The following FGD1 variants were observed in gnomAD, a reference collection of about 807,000 sequenced individuals.
The protein encoded by FGD1 is FYVE, RhoGEF and PH domain containing 1.
FGD1 carries 12 observed loss-of-function variants against 65.0 expected under a neutral mutation model. The observed-to-expected ratio is 0.18, with a 90% CI of 0.12 to 0.30. The LOEUF is 0.30. Ranked by LOEUF, FGD1 falls within the 10% of genes least tolerant of loss-of-function variation. The pLI, the probability that FGD1 is intolerant of heterozygous loss-of-function variation, is 1.00. For synonymous variants in FGD1, 333 were observed against 343.9 expected (o/e 0.97, Z 0.35); for missense variants, 542 against 837.6 (o/e 0.65, Z 4.36).
At chrX:54,469,249 C>T (rs764163938) in intron 4 of FGD1, among the ~76,000 whole-genome samples, 5 of 111,861 alleles carry the variant, frequency 4.5e-5, no homozygotes, top group Admixed American at 1.9e-4. Flanking sequence ...GTATTTAGGA[C>T]GCCTCATCCA....
At chrX:54,477,433 AT>A (rs748962868) in intron 1 of FGD1, among the ~76,000 whole-genome samples, 95 of 103,611 alleles carry the variant, frequency 9.2e-4, no homozygotes, top group Non-Finnish European at 1.2e-3. Flanking sequence ...CACTCAGTTA[AT>A]TTTTTTTTTT....
At chrX:54,485,788 T>G (rs1020837373) in intron 1 of FGD1, among the ~76,000 whole-genome samples, 3 of 110,637 alleles carry the variant, frequency 2.7e-5, no homozygotes, top group Non-Finnish European at 5.7e-5. Flanking sequence ...TGCTTTTTTT[T>G]TTTTTGAGAT....
chrX:54,483,787 C>T (rs1004519169), intron 1 of FGD1, among the ~76,000 whole-genome samples: 3 of 111,680 alleles, frequency 2.7e-5, no homozygotes, highest in African/African-American at 9.8e-5. Flanking sequence ...ATCCGCCCAG[C>T]TGCCCAAGCC....
intron 1 of FGD1, among the ~76,000 whole-genome samples, chrX:54,474,349 C>A (rs1436419488): frequency 1.8e-5 from 2 of 112,476 alleles, no homozygotes; most frequent in Admixed American, 9.4e-5. Context: ...CTCCCAGTCC[C>A]GGAGGGAAGA....
chrX:54,463,974 A>T (rs1261226468), intron 8 of FGD1, among the ~76,000 whole-genome samples: 2 of 110,377 alleles, frequency 1.8e-5, no homozygotes, highest in African/African-American at 6.6e-5. Flanking sequence ...TTATTTATTT[A>T]TTCTTGAGAT....
rs377661607 is a variant in FGD1 at position 54,470,131 on chromosome X, C to A, written c.986G>T (p.Arg329Leu). ...ACTGTCAACCTCTTGGGAGCCAGGC[C>A]GGTGGGGGTCGGCCAAGGCAACAGG... ...SVPVALADPH[R>L]PGSQEVDSDL... Residue 329 changes from arginine to leucine, a missense_variant, in exon 4 of 18, where the codon CGG (arginine) becomes CTG (leucine). By Grantham distance (102) the Arg-to-Leu change is moderately radical (BLOSUM62 -2). Coordinates refer to ENST00000375135, the MANE Select transcript of FGD1 (RefSeq NM_004463.3). The A allele has an allele frequency of 2.5e-6, 3 of 1,210,067 alleles. No individual in the cohort carries two copies. In the Admixed American group the frequency reaches 6.5e-5, roughly 26 times the overall value.
chrX:54,450,956 T>G (rs1317491318), intron 12 of FGD1, among the ~76,000 whole-genome samples: 1 of 109,816 alleles, frequency 9.1e-6, no homozygotes, highest in Non-Finnish European at 1.9e-5. Flanking sequence ...GGCTGAGGCA[T>G]GAGAATCGCT....
intron 16 of FGD1, among the ~76,000 whole-genome samples, chrX:54,447,671 G>A (rs969615824): frequency 8.9e-6 from 1 of 112,769 alleles, no homozygotes; most frequent in African/African-American, 3.2e-5. Context: ...AACGGCTGCT[G>A]CCTCTACAGG....
chrX:54,474,685 G>C (rs1217134122), intron 1 of FGD1, among the ~76,000 whole-genome samples: 1 of 112,780 alleles, frequency 8.9e-6, no homozygotes, highest in African/African-American at 3.2e-5. Context: ...CTGGGCGTGG[G>C]GGTGAGGAAG....
At chrX:54,483,563 G>T in intron 1 of FGD1, among the ~76,000 whole-genome samples, 1 of 112,315 alleles carries the variant, frequency 8.9e-6, no homozygotes, top group Admixed American at 9.3e-5. Flanking sequence ...GCCAAGGAGG[G>T]CTCTTCCCTC....
intron 1 of FGD1, among the ~76,000 whole-genome samples, chrX:54,475,849 C>T (rs1489304204): frequency 8.9e-6 from 1 of 111,987 alleles, no homozygotes; most frequent in African/African-American, 3.2e-5. Context: ...GGTGGATCAC[C>T]TGAGGTTGGG....
intron 16 of FGD1, among the ~76,000 whole-genome samples, chrX:54,447,790 A>C (rs1922267178): frequency 8.9e-6 from 1 of 112,090 alleles, no homozygotes; most frequent in Admixed American, 9.5e-5. Flanking sequence ...CTTTCATCAC[A>C]TCCATTTCCT....
Position 54,446,466 on chromosome X carries a change from C to G in FGD1, c.2581-52G>C, listed in dbSNP as rs768051698. Reference sequence around the variant, plus strand: ...GCCACCTTGGGGCTAGACCTTTCCCCCGCCCCAGCTTCTAACTGGTTTTGC... The same window carrying G: ...GCCACCTTGGGGCTAGACCTTTCCCGCGCCCCAGCTTCTAACTGGTTTTGC... On this transcript the variant is annotated intron_variant, in intron 17 of 17. Coordinates refer to ENST00000375135, the MANE Select transcript of FGD1 (RefSeq NM_004463.3). The G allele has an allele frequency of 7.2e-6, 8 of 1,117,293 alleles. No homozygotes were observed. The African/African-American group carries it at 1.4e-4, about 20-fold the overall frequency. The allele number at this position is 1,117,293 out of a possible 1,213,427, so 92.1% of individuals were successfully genotyped here. A position where few individuals can be genotyped will look rare whatever the true frequency, so the allele number is the denominator to read the frequency against.
chrX:54,454,470 T>A (rs1450664920), intron 12 of FGD1, among the ~76,000 whole-genome samples: 1 of 110,312 alleles, frequency 9.1e-6, no homozygotes, highest in East Asian at 2.8e-4. Context: ...GCCAACATAG[T>A]GAAACCCTGT....
chrX:54,449,043 T>C (rs1166665863), intron 15 of FGD1, 76 bp from the exon 16 acceptor site: 1 of 1,197,630 alleles, frequency 8.3e-7, no homozygotes, highest in African/African-American at 1.8e-5. Flanking sequence ...CACAGCAGAC[T>C]TGTGGCCTCC....
chrX:54,468,713 C>A, intron 5 of FGD1, 74 bp downstream of exon 5: 1 of 697,584 alleles, frequency 1.4e-6, no homozygotes. Flanking sequence ...GGATTGAACT[C>A]AGGCCCTATC....
chrX:54,469,117 C>T (rs775538988), intron 4 of FGD1, among the ~76,000 whole-genome samples: 1 of 111,544 alleles, frequency 9.0e-6, no homozygotes, highest in South Asian at 3.8e-4. Context: ...CTCATTCACC[C>T]GCTCTCTCTA....
At chrX:54,483,027 G>A (rs1923187301) in intron 1 of FGD1, among the ~76,000 whole-genome samples, 1 of 111,865 alleles carries the variant, frequency 8.9e-6, no homozygotes, top group African/African-American at 3.2e-5. Flanking sequence ...AGAAAACCGA[G>A]GCTCAGAGGG....
rs1922637333 is a variant in FGD1, at chrX:54,461,621, A to AG, written c.1636+3829_1636+3830insC. On this transcript the variant is annotated intron_variant, in intron 8 of 17. Transcript: ENST00000375135. The stretch of plus-strand genomic sequence containing the variant: ...GTCTCAAAAAAAAAAAAAAAAAAAA[A>AG]AAAAAGAAAAAGAAAAAAGAAAAAT... Among the ~76,000 whole-genome samples, 7 of 104,461 alleles carry AG rather than the reference A, an allele frequency of 6.7e-5. No individual in the cohort carries two copies. In the South Asian group the frequency reaches 2.9e-3, roughly 44 times the overall value. 90.7% of individuals were successfully genotyped at this position (104,461 alleles called of 115,157 possible).
Sources: allele counts gnomAD v4.1 joint callset (sites outside exome capture counted in the v4.1 genomes callset), GRCh38; gene constraint gnomAD v4.1.1; transcripts MANE v1.5; gene names NCBI Gene and HGNC (gene_info 2026-07-23, HGNC 2026-07-21).